The following SRSF5 variants were observed in gnomAD, a reference collection of about 807,000 sequenced individuals.
SRSF5 encodes the protein serine and arginine rich splicing factor 5.
A neutral mutation model predicts 34.0 loss-of-function variants in SRSF5; 5 were observed. The observed-to-expected ratio is 0.15, with a 90% CI of 0.08 to 0.31. The LOEUF is 0.31. Among genes scored for constraint, SRSF5 ranks in the 10% least tolerant of loss-of-function variants. SRSF5 has a pLI of 1.00. For synonymous variants in SRSF5, 164 were observed against 117.7 expected (o/e 1.39, Z -2.55); for missense variants, 223 against 351.4 (o/e 0.63, Z 2.92).
chr14:69,769,667 T>C (rs1882985263), intron 5 of SRSF5: 8 of 1,505,804 alleles, frequency 5.3e-6, no homozygotes, highest in Non-Finnish European at 7.1e-6. Context: ...CTAGACGTTA[T>C]CGGTGCACTT....
intron 2 of SRSF5, 108 bp from the exon 3 acceptor site, chr14:69,768,496 G>A: frequency 7.9e-7 from 1 of 1,261,358 alleles, no homozygotes; most frequent in Non-Finnish European, 1.1e-6. Flanking sequence ...CTGTATGGCA[G>A]TGTCGTTAAG....
intron 6 of SRSF5, 27 bp from the exon 7 acceptor site, chr14:69,770,968 T>C (rs1883134296): frequency 6.3e-7 from 1 of 1,594,894 alleles, no homozygotes. Flanking sequence ...ATGTATATAC[T>C]TTAAAAGTGG....
rs188726491 is a variant in SRSF5 at position 69,770,557 on chromosome 14, G to C, written c.440+17G>C. Reference sequence around the variant, plus strand: ...AAATGAAGGGTATGTACTGGAAACTGTGAAAGTCTTTAAAAATATCCGGAA... The same window carrying C: ...AAATGAAGGGTATGTACTGGAAACTCTGAAAGTCTTTAAAAATATCCGGAA... On this transcript the variant is annotated intron_variant, in intron 6 of 7. Transcript: ENST00000557154. 3 of 1,600,188 alleles carry C rather than the reference G, an allele frequency of 1.9e-6. No individual in the cohort carries two copies. The highest frequency in any genetic ancestry group is 2.7e-5 in the African/African-American group (2 of 74,338).
chr14:69,769,402 G>A (rs1882955353), intron 5 of SRSF5, 151 bp downstream of exon 5: 1 of 1,503,838 alleles, frequency 6.6e-7, no homozygotes. Context: ...TGTAATTTGG[G>A]GGATATTTTG....
chr14:69,769,169 T>C lies in SRSF5; in HGVS notation c.297-13T>C. The stretch of plus-strand genomic sequence containing the variant: ...GCATTTCTTCCATTGTGAATACGAA[T>C]TTTCTTCCTCAGAAATGCTCCACCT... On this transcript the variant is annotated splice_polypyrimidine_tract_variant and intron_variant, in intron 4 of 7. Transcript: ENST00000557154. 6.2e-7 allele frequency: 1 copy of C among 1,614,202 alleles called. No homozygotes were observed. The highest frequency in any genetic ancestry group is 1.3e-5 in the African/African-American group (1 of 75,066).
intron 1 of SRSF5, chr14:69,767,823 C>T: frequency 5.5e-6 from 2 of 362,378 alleles, no homozygotes; most frequent in South Asian, 2.1e-5. Context: ...GCTCCGCCCG[C>T]ACTTCTCGGC....
intron 6 of SRSF5, 174 bp from the exon 7 acceptor site, chr14:69,770,821 C>T: frequency 2.9e-6 from 2 of 692,320 alleles, no homozygotes; most frequent in Non-Finnish European, 4.8e-6. Flanking sequence ...AATGAATTGG[C>T]TCAAAGTATA....
intron 6 of SRSF5, 56 bp from the exon 7 acceptor site, chr14:69,770,939 C>A: frequency 7.0e-7 from 1 of 1,436,792 alleles, no homozygotes. Context: ...CTGCTGTGTG[C>A]AATGTGTGAG....
intron 5 of SRSF5, chr14:69,770,121 C>G (rs573988365): frequency 2.9e-6 from 3 of 1,034,030 alleles, no homozygotes; most frequent in African/African-American, 1.7e-5. Flanking sequence ...TTAAATAAAA[C>G]TTCTCTACTT....
At chr14:69,768,573 C>T (rs751274913) in intron 2 of SRSF5, 31 bp from the exon 3 acceptor site, 80 of 1,599,750 alleles carry the variant, frequency 5.0e-5, no homozygotes, top group Non-Finnish European at 6.4e-5. Flanking sequence ...CTTCTAAAGC[C>T]AATGTTAAGA....
In SRSF5 at chr14:69,769,424, T is replaced by C. The variant is rs1882956871; in HGVS notation, c.366+173T>C. The C allele has an allele frequency of 1.1e-5, 17 of 1,522,330 alleles. No individual in the cohort carries two copies. In the South Asian group the frequency reaches 2.1e-4, roughly 18 times the overall value. 94.3% of individuals were successfully genotyped at this position (1,522,330 alleles called of 1,614,324 possible). On this transcript the variant is annotated intron_variant, in intron 5 of 7. Transcript: ENST00000557154. ...TGGGGGATATTTTGAACTTTAATATTAGTGATCAAATGTAAATGTTTTGAG... is the reference window on the plus strand; with the variant it reads ...TGGGGGATATTTTGAACTTTAATATCAGTGATCAAATGTAAATGTTTTGAG...
At chr14:69,767,867 A>G in intron 1 of SRSF5, 1 of 408,478 alleles carries the variant, frequency 2.4e-6, no homozygotes, top group Non-Finnish European at 4.6e-6. Context: ...AGGGGGCCGG[A>G]GAGCCCGGAG....
intron 1 of SRSF5, 198 bp from the exon 2 acceptor site, chr14:69,767,940 A>G (rs1882729629): frequency 3.7e-6 from 2 of 547,606 alleles, no homozygotes; most frequent in African/African-American, 1.9e-5. Flanking sequence ...GTCTGGGCCC[A>G]GTAGCGGACC....
intron 1 of SRSF5, 46 bp from the exon 2 acceptor site, chr14:69,768,092 C>G (rs1882753769): frequency 5.0e-6 from 8 of 1,602,834 alleles, no homozygotes; most frequent in Admixed American, 1.7e-5. Flanking sequence ...AGGCGTTTCT[C>G]TGTGACAGTC....
rs1480335159 is a variant in SRSF5, at chr14:69,771,667, A to G, written c.*206A>G. On this transcript the variant is annotated 3_prime_UTR_variant, in exon 8 of 8. Coordinates refer to ENST00000557154, the MANE Select transcript of SRSF5 (RefSeq NM_001320214.2). ...CTAATTGTATTAAATGTCTTTTGAT[A>G]AGCCTTCTGCTCACATTTTTGTGAA... 1.7e-6 allele frequency: 1 copy of G among 598,320 alleles called. No homozygotes were observed. The highest frequency in any genetic ancestry group is 2.9e-6 in the Non-Finnish European group (1 of 350,488). The allele number at this position is 598,320 out of a possible 1,614,324, so 37.1% of individuals were successfully genotyped here. A position where few individuals can be genotyped will look rare whatever the true frequency, so the allele number is the denominator to read the frequency against.
intron 4 of SRSF5, 111 bp downstream of exon 4, chr14:69,769,007 TATTC>T: frequency 6.1e-6 from 8 of 1,303,560 alleles, no homozygotes; most frequent in Non-Finnish European, 8.7e-6. Flanking sequence ...TCTGTTCTTC[TATTC>T]CCACGTTAGC....
chr14:69,769,088 G>C, intron 4 of SRSF5, 94 bp from the exon 5 acceptor site: 1 of 1,447,800 alleles, frequency 6.9e-7, no homozygotes, highest in Non-Finnish European at 9.7e-7. Flanking sequence ...CATTAGAATG[G>C]CTTGTGATAT....
At chr14:69,770,721 A>G (rs932701511) in intron 6 of SRSF5, among the ~76,000 whole-genome samples, 181 bp downstream of exon 6, 1 of 152,192 alleles carries the variant, frequency 6.6e-6, no homozygotes, top group African/African-American at 2.4e-5. Flanking sequence ...GGTTGTCACA[A>G]CTGGTTGAGA....
Position 69,771,532 on chromosome 14 carries a change from G to C in SRSF5, c.*71G>C. 1 of 1,393,472 alleles carries C rather than the reference G, an allele frequency of 7.2e-7. No individual in the cohort carries two copies. Among genetic ancestry groups the C allele is most frequent in the South Asian group, 1.2e-5 (1 of 80,240 alleles). 86.3% of individuals were successfully genotyped at this position (1,393,472 alleles called of 1,614,324 possible). ...CCACAAAAATTCCCAAACCATACTTGCTAAAAATTCTGGTAAGTATGTGCT... is the reference window on the plus strand; with the variant it reads ...CCACAAAAATTCCCAAACCATACTTCCTAAAAATTCTGGTAAGTATGTGCT... On this transcript the variant is annotated 3_prime_UTR_variant, in exon 8 of 8. Transcript: ENST00000557154.
Sources: gnomAD v4.1 joint callset for allele counts (sites outside exome capture counted in the v4.1 genomes callset) on GRCh38, gnomAD v4.1.1 for gene constraint, MANE v1.5 for transcripts, NCBI Gene and HGNC (gene_info 2026-07-23, HGNC 2026-07-21) for gene names.